Variants in TKFC observed in about 807,000 individuals in gnomAD.
The protein encoded by TKFC is triokinase and FMN cyclase.
TKFC carries 46 observed loss-of-function variants against 61.0 expected under a neutral mutation model. The ratio of observed to expected loss-of-function variants is 0.75; its 90% confidence interval spans 0.60 to 0.96. The LOEUF is 0.96. Among genes scored for constraint, TKFC ranks in the 50% least tolerant of loss-of-function variants. The probability of loss-of-function intolerance (pLI) is 0.00; values close to 1 mark genes in which losing one functional copy is unlikely to be tolerated. For missense variants in TKFC, 715 were observed against 777.5 expected (o/e 0.92, Z 0.96); for synonymous variants, 314 against 330.1 (o/e 0.95, Z 0.53).
chr11:61,337,978 C>A lies in TKFC; in HGVS notation c.41C>A (p.Ala14Asp). 1 of 1,610,582 alleles carries A rather than the reference C, an allele frequency of 6.2e-7. No individual in the cohort carries two copies. The highest frequency in any genetic ancestry group is 8.5e-7 in the Non-Finnish European group (1 of 1,178,854). The change falls in exon 3 of 18, where the codon GCT becomes GAT. Residue 14 changes from alanine to aspartate, a missense_variant. Ala to Asp is a moderately radical substitution (Grantham distance 126, BLOSUM62 -2). Coordinates refer to ENST00000394900, the MANE Select transcript of TKFC (RefSeq NM_015533.4). ...KKLVNSVAGC[A>D]DDALAGLVAC... Reference sequence around the variant, plus strand: ...CTGGTGAACTCGGTGGCTGGCTGTGCTGATGACGCTCTTGCTGGCCTGGTG... The same window carrying A: ...CTGGTGAACTCGGTGGCTGGCTGTGATGATGACGCTCTTGCTGGCCTGGTG...
At chr11:61,342,351 C>T in intron 7 of TKFC, 110 bp from the exon 8 acceptor site, 1 of 1,378,220 alleles carries the variant, frequency 7.3e-7, no homozygotes, top group East Asian at 2.3e-5. Flanking sequence ...TTCCATCCCC[C>T]ACTCCCGCCC....
Position 61,345,892 on chromosome 11 carries a change from AGCCT to A in TKFC, c.1523_1526del (p.Ala508GlyfsTer12). On this transcript the variant is annotated frameshift_variant, in exon 17 of 18. Coordinates refer to ENST00000394900, the MANE Select transcript of TKFC (RefSeq NM_015533.4). LOFTEE classifies it high-confidence loss of function. ...TGTGGGCAGCGGGGCAGGAGCTCCA[AGCCT>A]GGAAGAGCCCAGGAGCTGATCTGTT... 7 of 1,614,148 alleles carry A rather than the reference AGCCT, an allele frequency of 4.3e-6. No homozygotes were observed. Among genetic ancestry groups the A allele is most frequent in the Non-Finnish European group, 5.9e-6 (7 of 1,180,040 alleles).
Position 61,342,585 on chromosome 11 carries a change from C to T in TKFC, c.702C>T (p.Ala234=), listed in dbSNP as rs1368901187. Residue 234 remains alanine (A), a synonymous_variant, in exon 9 of 18, where the codon GCC becomes GCT. Coordinates refer to ENST00000394900, the MANE Select transcript of TKFC (RefSeq NM_015533.4). ...AGVRRIKMAT[A]DEIVKLMLDH... is the part of the protein sequence containing the mutation. ...GCTCCCTCTGACAGATGGCAACCGC[C>T]GATGAGATTGTGAAACTCATGCTCG... is the stretch of plus-strand genomic sequence containing the variant. The T allele has an allele frequency of 2.5e-6, 4 of 1,614,020 alleles. No individual in the cohort carries two copies. The highest frequency in any genetic ancestry group is 1.1e-5 in the South Asian group (1 of 91,086).
chr11:61,352,803 A>G (rs984813809), downstream of TKFC: 6 of 1,444,072 alleles, frequency 4.2e-6, no homozygotes, highest in Non-Finnish European at 4.5e-6. Context: ...TGCTCAATAA[A>G]TATCTGCTGA....
In TKFC at chr11:61,346,478, C is replaced by T; in HGVS notation, c.1703C>T (p.Ala568Val). ...GTGGCAGCTGCTGCCATCCTCCGGG[C>T]CATCTTGGAGGTCTTGCAGAGCTAG... ...GAVAAAAILR[A>V]ILEVLQS is the part of the protein sequence containing the mutation. The change falls in exon 18 of 18, where the codon GCC becomes GTC. Residue 568 changes from alanine to valine, a missense_variant. Physicochemically the swap from Ala to Val is moderately conservative, Grantham distance 64. Coordinates refer to ENST00000394900, the MANE Select transcript of TKFC (RefSeq NM_015533.4). This position sits in a 1 kb window ranked among gnomAD's most constrained non-coding sequence, Gnocchi z 4.1. 1 of 1,608,478 alleles carries T rather than the reference C, an allele frequency of 6.2e-7. No individual in the cohort carries two copies. The highest frequency in any genetic ancestry group is 8.5e-7 in the Non-Finnish European group (1 of 1,178,932).
chr11:61,353,025 A>T, downstream of TKFC: 1 of 1,614,182 alleles, frequency 6.2e-7, no homozygotes, highest in East Asian at 2.2e-5. Flanking sequence ...GAAATGACGG[A>T]TGCGATGGAC....
rs2134993572 is a variant in TKFC at position 61,338,028 on chromosome 11, C to T, written c.91C>T (p.Leu31=). 1 of 1,613,740 alleles carries T rather than the reference C, an allele frequency of 6.2e-7. No individual in the cohort carries two copies. Among genetic ancestry groups the T allele is most frequent in the Admixed American group, 1.7e-5 (1 of 60,008 alleles). Residue 31 remains leucine, a synonymous_variant, in exon 3 of 18, where the codon CTG becomes TTG. Transcript: ENST00000394900. ...GGCCTGCAACCCCAACCTGCAGCTC[C>T]TGCAGGGCCACCGCGTGGCCCTCCG... ...LVACNPNLQL[L]QGHRVALRSD...
chr11:61,350,513 G>C (rs1376081482), downstream of TKFC: 6 of 1,525,190 alleles, frequency 3.9e-6, no homozygotes, highest in African/African-American at 1.4e-5. Context: ...CAGCCTGCAG[G>C]GTGGTCCCCA....
At position 61,345,837 on chromosome 11, in the gene TKFC, C is replaced by T. The variant is rs780999100; in HGVS notation, c.1486-20C>T. On this transcript the variant is annotated intron_variant, in intron 16 of 17. Transcript: ENST00000394900. ...GGTTGCAGGGCCCGTGCTCAGCCCC[C>T]TTTCCTTCACCTTGTCCAGCTGGAT... 1.2e-6 allele frequency: 2 copies of T among 1,614,176 alleles called. No homozygotes were observed. Among genetic ancestry groups the T allele is most frequent in the Non-Finnish European group, 1.7e-6 (2 of 1,180,028 alleles).
At position 61,348,480 on chromosome 11, in the gene TKFC, T is replaced by A. The variant is rs1371857926; in HGVS notation, c.*1977T>A. The A allele has an allele frequency of 3.0e-6, 3 of 985,378 alleles. No individual in the cohort carries two copies. Among genetic ancestry groups the A allele is most frequent in the Non-Finnish European group, 3.6e-6 (3 of 830,010 alleles). The allele number at this position is 985,378 out of a possible 1,614,324, so 61.0% of individuals were successfully genotyped here. On this transcript the variant is annotated 3_prime_UTR_variant, in exon 18 of 18. Transcript: ENST00000394900. ...CCACAGCATCATTTCATTAGAGGGC[T>A]GTTATTAGAGACTGAATGTTTGTGT...
intron 2 of TKFC, among the ~76,000 whole-genome samples, chr11:61,337,645 T>C (rs890627881): frequency 6.6e-6 from 1 of 152,178 alleles, no homozygotes; most frequent in Non-Finnish European, 1.5e-5. Context: ...ATTAAAATAT[T>C]TTACACTGCA....
rs117001515 is a variant in TKFC, at chr11:61,349,119, G to A, written c.*2616G>A. The A allele has an allele frequency of 3.4e-3, 625 of 184,036 alleles. 4 individuals are homozygous for A. The highest frequency in any genetic ancestry group is 0.011 in the Middle Eastern group (4 of 376). 11.4% of individuals were successfully genotyped at this position (184,036 alleles called of 1,614,324 possible). On this transcript the variant is annotated 3_prime_UTR_variant, in exon 18 of 18. Coordinates refer to ENST00000394900, the MANE Select transcript of TKFC (RefSeq NM_015533.4). ...TCTGAAGCTTGGGACCTGGCAGTGC[G>A]TCTTTGGAGAAGGCAAAAAAGCCAC...
Position 61,347,585 on chromosome 11 carries a change from A to G in TKFC, c.*1082A>G. On this transcript the variant is annotated 3_prime_UTR_variant, in exon 18 of 18. Transcript: ENST00000394900. Reference sequence around the variant, plus strand: ...AGAAACTGCAGCCAAGCCAGCCCCTAGGTCTCTTTCTAGAGCGATCACTGA... The same window carrying G: ...AGAAACTGCAGCCAAGCCAGCCCCTGGGTCTCTTTCTAGAGCGATCACTGA... 1 of 984,196 alleles carries G rather than the reference A, an allele frequency of 1.0e-6. No individual in the cohort carries two copies. Among genetic ancestry groups the G allele is most frequent in the Non-Finnish European group, 1.2e-6 (1 of 829,914 alleles). 61.0% of individuals were successfully genotyped at this position (984,196 alleles called of 1,614,324 possible).
downstream of TKFC, chr11:61,350,649 ACTAGCCC>A (rs1857357297): frequency 8.2e-6 from 5 of 611,294 alleles, no homozygotes; most frequent in Non-Finnish European, 1.1e-5. Context: ...ATCCCACTAG[ACTAGCCC>A]CCAGGCTGGT....
At position 61,347,706 on chromosome 11, in the gene TKFC, T is replaced by C; in HGVS notation, c.*1203T>C. 1.0e-6 allele frequency: 1 copy of C among 985,388 alleles called. No homozygotes were observed. Among genetic ancestry groups the C allele is most frequent in the South Asian group, 4.7e-5 (1 of 21,288 alleles). 61.0% of individuals were successfully genotyped at this position (985,388 alleles called of 1,614,324 possible). ...GTAGGGAGTGGTTAAAGGCACTGGC[T>C]GTCGACTCATACACATGATCTGAAA... On this transcript the variant is annotated 3_prime_UTR_variant, in exon 18 of 18. Transcript: ENST00000394900.
chr11:61,343,349 C>T lies in TKFC; in HGVS notation c.873C>T (p.Arg291=), dbSNP rs202066904. 3.6e-5 allele frequency: 58 copies of T among 1,614,066 alleles called. 1 individual carries two copies. Among genetic ancestry groups the T allele is most frequent in the South Asian group, 2.1e-4 (19 of 91,078 alleles). Residue 291 remains arginine, a synonymous_variant, in exon 11 of 18, where the codon CGC becomes CGT. Transcript: ENST00000394900. ...CACACTCTGGTATTGCAGAGGGCCG[C>T]GGGGTGAAGATTGCCCGTGCCCTGG... ...ADATVRSLEG[R]GVKIARALVG... is the part of the protein sequence containing the mutation.
In TKFC at chr11:61,342,676, C is replaced by T. The variant is rs139275310; in HGVS notation, c.775+18C>T. On this transcript the variant is annotated intron_variant, in intron 9 of 17. Transcript: ENST00000394900. ...GCAGCCCGGTGGGTAGCCTCTCGCC[C>T]GCGTCTCCCAACCCCTCCTAAACCT... 8.8e-5 allele frequency: 142 copies of T among 1,613,842 alleles called. No homozygotes were observed. Among genetic ancestry groups the T allele is most frequent in the Non-Finnish European group, 1.1e-4 (125 of 1,179,958 alleles).
downstream of TKFC, chr11:61,350,176 C>T (rs1162377751): frequency 9.9e-6 from 6 of 605,920 alleles, no homozygotes; most frequent in South Asian, 2.0e-5. Flanking sequence ...AGGCAGCAAG[C>T]GGCCGGAGAG....
Position 61,333,288 on chromosome 11 carries a change from G to C in TKFC, c.-151G>C. The C allele has an allele frequency of 4.1e-6, 1 of 243,680 alleles. No individual in the cohort carries two copies. The highest frequency in any genetic ancestry group is 7.6e-5 in the East Asian group (1 of 13,080). 15.1% of individuals were successfully genotyped at this position (243,680 alleles called of 1,614,324 possible). On this transcript the variant is annotated 5_prime_UTR_variant, in exon 1 of 18. Coordinates refer to ENST00000394900, the MANE Select transcript of TKFC (RefSeq NM_015533.4). ...TTCGGGGTCTCCGGGAAGTCGCGGC[G>C]CCTTCGGATGTGGCGGATGCGGCCG...
Sources: allele counts gnomAD v4.1 joint callset (sites outside exome capture counted in the v4.1 genomes callset), GRCh38; gene constraint gnomAD v4.1.1; non-coding constraint Gnocchi (gnomAD v3.1); transcripts MANE v1.5; gene names NCBI Gene and HGNC (gene_info 2026-07-23, HGNC 2026-07-21).